The following UNC13B variants were observed in gnomAD, a reference collection of about 807,000 sequenced individuals.
UNC13B encodes the protein unc-13 homolog B.
A neutral mutation model predicts 211.0 loss-of-function variants in UNC13B; 144 were observed. The observed-to-expected ratio is 0.68, with a 90% CI of 0.60 to 0.78. The LOEUF (loss-of-function observed/expected upper bound fraction) is 0.78. Among genes scored for constraint, UNC13B ranks in the 30% least tolerant of loss-of-function variants. The pLI, the probability that UNC13B is intolerant of heterozygous loss-of-function variation, is 0.00. For synonymous variants in UNC13B, 709 were observed against 725.8 expected, an observed-to-expected ratio of 0.98 and a Z score of 0.37; for missense variants, 1,777 against 2,002.0, an observed-to-expected ratio of 0.89 and a Z score of 2.14.
Position 35,255,237 on chromosome 9 carries a change from TA to T in UNC13B, c.469-3755del, listed in dbSNP as rs1826807676. On this transcript the variant is annotated intron_variant, in intron 6 of 39. Transcript: ENST00000635942. Reference sequence around the variant, plus strand: ...ATTGTGCTGGGCCTGTTTACGCATATATTTTTATTAACAGACTTCATTTTTT... The same window carrying T: ...ATTGTGCTGGGCCTGTTTACGCATATTTTTTATTAACAGACTTCATTTTTT... Among the ~76,000 whole-genome samples, 3 of 150,498 alleles carry T rather than the reference TA, an allele frequency of 2.0e-5. No individual in the cohort carries two copies. In the South Asian group the frequency reaches 6.2e-4, roughly 31 times the overall value.
At chr9:35,382,711 C>T (rs918122836) in intron 21 of UNC13B, among the ~76,000 whole-genome samples, 1 of 151,852 alleles carries the variant, frequency 6.6e-6, no homozygotes, top group Admixed American at 6.6e-5. Flanking sequence ...TACAGGCACC[C>T]GCCACCACGC....
intron 26 of UNC13B, among the ~76,000 whole-genome samples, chr9:35,392,829 T>TA (rs920689938): frequency 2.9e-4 from 44 of 151,506 alleles, no homozygotes; most frequent in African/African-American, 1.0e-3. Context: ...GGTGAAACAT[T>TA]AAAAAAAAGA....
intron 7 of UNC13B, among the ~76,000 whole-genome samples, chr9:35,266,706 A>G (rs1827597431): frequency 6.6e-6 from 1 of 152,222 alleles, no homozygotes; most frequent in Non-Finnish European, 1.5e-5. Flanking sequence ...TTCAGTAACA[A>G]CATTCTGCAT....
intron 1 of UNC13B, among the ~76,000 whole-genome samples, chr9:35,180,963 A>G (rs894233469): frequency 2.0e-5 from 3 of 150,978 alleles, no homozygotes; most frequent in Non-Finnish European, 4.4e-5. Context: ...CTGTTTCAGC[A>G]GGTACCTGTA....
chr9:35,276,752 C>T (rs1467211027), intron 7 of UNC13B, among the ~76,000 whole-genome samples: 3 of 152,092 alleles, frequency 2.0e-5, no homozygotes, highest in Non-Finnish European at 2.9e-5. Context: ...TTCACAGTTT[C>T]GTGTATATTC....
chr9:35,297,488 G>T (rs139259268), intron 8 of UNC13B, among the ~76,000 whole-genome samples: 2 of 149,450 alleles, frequency 1.3e-5, no homozygotes, highest in East Asian at 3.9e-4. Flanking sequence ...CAGGTTAAAC[G>T]TTTTTGGCAA....
At chr9:35,203,810 C>T (rs977707977) in intron 1 of UNC13B, among the ~76,000 whole-genome samples, 1 of 152,194 alleles carries the variant, frequency 6.6e-6, no homozygotes, top group Non-Finnish European at 1.5e-5. Flanking sequence ...GTAGCCTAGC[C>T]ATGTGGTAGA....
Position 35,236,468 on chromosome 9 carries a change from G to A in UNC13B, c.153-1G>A, listed in dbSNP as rs1400965678. On this transcript the variant is annotated splice_acceptor_variant, in intron 3 of 39. Coordinates refer to ENST00000635942, the MANE Select transcript of UNC13B (RefSeq NM_001371189.2). LOFTEE classifies it high-confidence loss of function. Reference sequence around the variant, plus strand: ...TCAAAGGGCTTTCCTCTTTCCCTTAGTGAGATTAGTCGCCTGGACCTGGGT... The same window carrying A: ...TCAAAGGGCTTTCCTCTTTCCCTTAATGAGATTAGTCGCCTGGACCTGGGT... The A allele has an allele frequency of 6.2e-7, 1 of 1,613,240 alleles. No homozygotes were observed. The highest frequency in any genetic ancestry group is 1.7e-5 in the Admixed American group (1 of 59,984).
chr9:35,344,446 T>C (rs1342874475), intron 11 of UNC13B, among the ~76,000 whole-genome samples: 1 of 152,186 alleles, frequency 6.6e-6, no homozygotes, highest in Non-Finnish European at 1.5e-5. Flanking sequence ...TTAGGAGACC[T>C]GGATTCTAAT....
At chr9:35,277,097 G>C (rs189580008) in intron 7 of UNC13B, among the ~76,000 whole-genome samples, 34 of 152,224 alleles carry the variant, frequency 2.2e-4, no homozygotes, top group African/African-American at 7.9e-4. Context: ...TAGTTTTGCT[G>C]TCTGATATGT....
chr9:35,262,564 C>G (rs969078547), intron 7 of UNC13B, among the ~76,000 whole-genome samples: 1 of 152,014 alleles, frequency 6.6e-6, no homozygotes, highest in Non-Finnish European at 1.5e-5. Context: ...GTGATCCGCC[C>G]ACCTCAGCCT....
In UNC13B at chr9:35,403,845, G is replaced by A. The variant is rs1303128101; in HGVS notation, c.12835G>A (p.Val4279Met). Residue 4279 changes from valine (V) to methionine (M), a missense_variant, in exon 40 of 40, where the codon GTG becomes ATG. Transcript: ENST00000635942. ...AREDRVLGLA[V>M]MPLRDVTAKG... Reference sequence around the variant, plus strand: ...GGAAGATCGCGTGCTAGGGCTGGCTGTGATGCCTCTGAGGGATGTCACAGC... The same window carrying A: ...GGAAGATCGCGTGCTAGGGCTGGCTATGATGCCTCTGAGGGATGTCACAGC... The A allele has an allele frequency of 1.2e-6, 2 of 1,614,210 alleles. No individual in the cohort carries two copies. The highest frequency in any genetic ancestry group is 1.7e-6 in the Non-Finnish European group (2 of 1,180,038).
chr9:35,343,110 G>A (rs1832118202), intron 11 of UNC13B, among the ~76,000 whole-genome samples: 1 of 152,198 alleles, frequency 6.6e-6, no homozygotes, highest in Non-Finnish European at 1.5e-5. Context: ...GCAGATTGAA[G>A]ACTCACTTTT....
intron 12 of UNC13B, among the ~76,000 whole-genome samples, chr9:35,369,754 G>C (rs1359079328): frequency 6.6e-6 from 1 of 152,118 alleles, no homozygotes; most frequent in Non-Finnish European, 1.5e-5. Flanking sequence ...GATTATGAGG[G>C]CTCCTTTCTC....
Position 35,310,666 on chromosome 9 carries a change from G to C in UNC13B, c.9208G>C (p.Gly3070Arg). The change falls in exon 10 of 40, where the codon GGT becomes CGT. Residue 3070 changes from glycine to arginine, a missense_variant. By Grantham distance (125) the Gly-to-Arg change is moderately radical. Coordinates refer to ENST00000635942, the MANE Select transcript of UNC13B (RefSeq NM_001371189.2). ...ACAAGAGAAACCCTTGGAGGTGACAGGTCAAGCAGAGAAGGAGGCAGCATG... is the reference window on the plus strand; with the variant it reads ...ACAAGAGAAACCCTTGGAGGTGACACGTCAAGCAGAGAAGGAGGCAGCATG... Reference protein sequence around the residue: ...GEQEKPLEVTGQAEKEAACEP... With the variant: ...GEQEKPLEVTRQAEKEAACEP... The C allele has an allele frequency of 6.2e-7, 1 of 1,613,954 alleles. No individual in the cohort carries two copies. The highest frequency in any genetic ancestry group is 8.5e-7 in the Non-Finnish European group (1 of 1,179,982).
chr9:35,393,576 T>C (rs868055677), intron 26 of UNC13B, among the ~76,000 whole-genome samples: 378 of 138,044 alleles, frequency 2.7e-3, no homozygotes, highest in African/African-American at 8.5e-3. Flanking sequence ...CTCTCTCTCT[T>C]TTTTTTTTTT....
Position 35,370,482 on chromosome 9 carries a change from G to A in UNC13B, c.9540+86G>A, listed in dbSNP as rs144259217. On this transcript the variant is annotated intron_variant, in intron 13 of 39. Transcript: ENST00000635942. ...TGGCAAGCTGTCAGGATTGGAAGTCGTCCATTTAATGACTCAAATTGATCT... is the reference window on the plus strand; with the variant it reads ...TGGCAAGCTGTCAGGATTGGAAGTCATCCATTTAATGACTCAAATTGATCT... 3.7e-4 allele frequency: 482 copies of A among 1,311,176 alleles called. No individual in the cohort carries two copies. The African/African-American group carries it at 4.5e-3, about 12-fold the overall frequency. 81.2% of individuals were successfully genotyped at this position (1,311,176 alleles called of 1,614,324 possible). A position where few individuals can be genotyped will look rare whatever the true frequency, so the allele number is the denominator to read the frequency against.
At chr9:35,349,231 TAA>T (rs1832563489) in intron 11 of UNC13B, among the ~76,000 whole-genome samples, 1 of 151,922 alleles carries the variant, frequency 6.6e-6, no homozygotes, top group Admixed American at 6.6e-5. Context: ...ACTTCTTTTT[TAA>T]AGACAAATTT....
At chr9:35,276,833 A>G (rs916566334) in intron 7 of UNC13B, among the ~76,000 whole-genome samples, 3 of 152,150 alleles carry the variant, frequency 2.0e-5, no homozygotes, top group African/African-American at 7.2e-5. Context: ...TTCAATGATA[A>G]TTGTTTTCCC....
Sources: allele counts gnomAD v4.1 joint callset (sites outside exome capture counted in the v4.1 genomes callset), GRCh38; gene constraint gnomAD v4.1.1; transcripts MANE v1.5; gene names NCBI Gene and HGNC (gene_info 2026-07-23, HGNC 2026-07-21).